The following CLTA variants were observed in gnomAD, a reference collection of about 807,000 sequenced individuals.
CLTA encodes clathrin, light polypeptide (Lca).
A neutral mutation model predicts 26.9 loss-of-function variants in CLTA; 9 were observed. The ratio of observed to expected loss-of-function variants is 0.33; its 90% confidence interval spans 0.20 to 0.58. The LOEUF (loss-of-function observed/expected upper bound fraction) is 0.58, where lower values mean the gene tolerates loss of function less well. Among genes scored for constraint, CLTA ranks in the 20% least tolerant of loss-of-function variants. The probability of loss-of-function intolerance (pLI) is 0.85; values close to 1 mark genes in which losing one functional copy is unlikely to be tolerated. For synonymous variants in CLTA, 120 were observed against 115.5 expected (o/e 1.04, Z -0.25); for missense variants, 278 against 294.2 (o/e 0.94, Z 0.40).
intron 3 of CLTA, among the ~76,000 whole-genome samples, chr9:36,200,856 A>G (rs1479242783): frequency 1.3e-5 from 2 of 152,236 alleles, no homozygotes; most frequent in Non-Finnish European, 2.9e-5. Context: ...AGTAGCTACC[A>G]TATTGGACAG....
At chr9:36,206,105 C>T (rs1048905984) in intron 4 of CLTA, among the ~76,000 whole-genome samples, 3 of 152,154 alleles carry the variant, frequency 2.0e-5, no homozygotes, top group African/African-American at 7.2e-5. Context: ...TTAGTCCCTC[C>T]AGGCATTGAA....
intron 1 of CLTA, among the ~76,000 whole-genome samples, chr9:36,193,076 AG>A (rs1360810997): frequency 6.6e-6 from 1 of 152,222 alleles, no homozygotes; most frequent in African/African-American, 2.4e-5. Flanking sequence ...GGAAGGTAAA[AG>A]GGAGAGAATA....
In CLTA at chr9:36,211,780, C is replaced by A. The variant is rs749406895; in HGVS notation, c.*6C>A. The A allele has an allele frequency of 1.2e-6, 2 of 1,600,990 alleles. No homozygotes were observed. The highest frequency in any genetic ancestry group is 4.5e-5 in the East Asian group (2 of 44,616). ...AGGCCCCGCTGGTGCACTGAAGAGC[C>A]ACCCTGTGGAAACACTACATCTGCA... is the stretch of plus-strand genomic sequence containing the variant. On this transcript the variant is annotated 3_prime_UTR_variant, in exon 5 of 5. Transcript: ENST00000345519.
chr9:36,197,995 G>A (rs1827152556), intron 2 of CLTA, among the ~76,000 whole-genome samples: 2 of 119,820 alleles, frequency 1.7e-5, no homozygotes, highest in African/African-American at 6.1e-5. Context: ...ATTTATTTGA[G>A]TCTTTTTTTT....
chr9:36,194,071 G>A (rs1392386226), intron 1 of CLTA, among the ~76,000 whole-genome samples: 1 of 152,204 alleles, frequency 6.6e-6, no homozygotes, highest in Non-Finnish European at 1.5e-5. Context: ...TGTCACCCAG[G>A]CTGGAGTGCA....
intron 4 of CLTA, chr9:36,210,527 G>T (rs1400028651): frequency 6.9e-6 from 11 of 1,589,156 alleles, no homozygotes; most frequent in East Asian, 2.2e-5. Context: ...AGTGGCAAGG[G>T]CATGTCCAGC....
At chr9:36,209,452 A>G in intron 4 of CLTA, 1 of 701,996 alleles carries the variant, frequency 1.4e-6, no homozygotes, top group Non-Finnish European at 2.5e-6. Flanking sequence ...GGGCTGCCTA[A>G]GAATTGATAA....
intron 4 of CLTA, among the ~76,000 whole-genome samples, chr9:36,204,521 T>C (rs3818556): frequency 0.1 from 15,536 of 152,162 alleles, 847 homozygotes; most frequent in East Asian, 0.17. Context: ...ACTTTGGATA[T>C]GATTATAGAC....
chr9:36,198,765 C>T (rs528128889), intron 2 of CLTA, among the ~76,000 whole-genome samples: 187 of 145,604 alleles, frequency 1.3e-3, no homozygotes, highest in Middle Eastern at 3.7e-3. Context: ...CTCAGCTACT[C>T]GGGAGGCTGA....
At chr9:36,208,944 T>C (rs886568848) in intron 4 of CLTA, among the ~76,000 whole-genome samples, 2 of 152,184 alleles carry the variant, frequency 1.3e-5, no homozygotes, top group African/African-American at 4.8e-5. Flanking sequence ...CAGTTAAGGA[T>C]TGAATCAACA....
At chr9:36,211,010 G>C (rs768465185) in intron 4 of CLTA, among the ~76,000 whole-genome samples, 6 of 152,230 alleles carry the variant, frequency 3.9e-5, no homozygotes, top group Non-Finnish European at 8.8e-5. Flanking sequence ...CAAGGCACCT[G>C]GCTGGAGGGA....
At chr9:36,201,942 T>G (rs899750558) in intron 3 of CLTA, among the ~76,000 whole-genome samples, 1 of 149,408 alleles carries the variant, frequency 6.7e-6, no homozygotes, top group African/African-American at 2.5e-5. Flanking sequence ...TGAGACCCTA[T>G]CTCTACTAAA....
chr9:36,198,695 C>G (rs367716326), intron 2 of CLTA, among the ~76,000 whole-genome samples: 1 of 145,280 alleles, frequency 6.9e-6, no homozygotes, highest in Non-Finnish European at 1.5e-5. Flanking sequence ...CCCCTTCCCC[C>G]ACCCCAGAAA....
intron 3 of CLTA, among the ~76,000 whole-genome samples, chr9:36,202,553 G>C (rs1827478016): frequency 6.6e-6 from 1 of 152,194 alleles, no homozygotes; most frequent in Non-Finnish European, 1.5e-5. Context: ...GCATAATGAG[G>C]TAAGCAAAGT....
intron 4 of CLTA, among the ~76,000 whole-genome samples, chr9:36,209,573 A>ATTTTGCGATCTT: frequency 1.3e-5 from 2 of 152,068 alleles, no homozygotes; most frequent in African/African-American, 2.4e-5. Flanking sequence ...TCGCTTTCAA[A>ATTTTGCGATCTT]ATGTGTCATT....
At position 36,212,059 on chromosome 9, in the gene CLTA, A is replaced by G. The variant is rs1210428050; in HGVS notation, c.*285A>G. ...AGAATAAATTTCTGTTTCAAACTGT[A>G]TTATGTGAAGCTTCTTTATTGACCT... On this transcript the variant is annotated 3_prime_UTR_variant, in exon 5 of 5. Coordinates refer to ENST00000345519, the MANE Select transcript of CLTA (RefSeq NM_001833.4). The G allele has an allele frequency of 2.0e-6, 1 of 511,372 alleles. No homozygotes were observed. Among genetic ancestry groups the G allele is most frequent in the Non-Finnish European group, 3.7e-6 (1 of 273,516 alleles). The allele number at this position is 511,372 out of a possible 1,614,324, so 31.7% of individuals were successfully genotyped here.
chr9:36,191,004 G>A lies in CLTA; in HGVS notation c.-53G>A. 1 of 1,473,846 alleles carries A rather than the reference G, an allele frequency of 6.8e-7. No homozygotes were observed. Among genetic ancestry groups the A allele is most frequent in the East Asian group, 2.5e-5 (1 of 39,798 alleles). 91.3% of individuals were successfully genotyped at this position (1,473,846 alleles called of 1,614,324 possible). ...GTGGCTGCCGGGCGTGGTGTCGGTGGGTCGGTTGGTTTTTGTCTCACCGTT... is the reference window on the plus strand; with the variant it reads ...GTGGCTGCCGGGCGTGGTGTCGGTGAGTCGGTTGGTTTTTGTCTCACCGTT... On this transcript the variant is annotated 5_prime_UTR_variant, in exon 1 of 5. Transcript: ENST00000345519.
intron 1 of CLTA, among the ~76,000 whole-genome samples, chr9:36,193,266 A>C (rs577898056): frequency 1.3e-5 from 2 of 151,620 alleles, no homozygotes; most frequent in South Asian, 4.2e-4. Flanking sequence ...TTTCCTTTGG[A>C]GTTTAGAGAA....
intron 3 of CLTA, among the ~76,000 whole-genome samples, chr9:36,201,780 C>T (rs1827425027): frequency 6.6e-6 from 1 of 152,126 alleles, no homozygotes; most frequent in Admixed American, 6.6e-5. Flanking sequence ...TTGCATTCCA[C>T]ATCTGTACTT....
Sources: gnomAD v4.1 joint callset for allele counts (sites outside exome capture counted in the v4.1 genomes callset) on GRCh38, gnomAD v4.1.1 for gene constraint, MANE v1.5 for transcripts, NCBI Gene and HGNC (gene_info 2026-07-23, HGNC 2026-07-21) for gene names.